The following CUL1 variants were observed in gnomAD, a reference collection of about 807,000 sequenced individuals.
The protein encoded by CUL1 is cullin 1.
CUL1 carries 24 observed loss-of-function variants against 118.0 expected under a neutral mutation model. The observed-to-expected ratio is 0.20, with a 90% CI of 0.15 to 0.29. The LOEUF (loss-of-function observed/expected upper bound fraction) is 0.29. CUL1 is among the 10% of genes least tolerant of loss of function. CUL1 has a pLI of 1.00. For synonymous variants in CUL1, 332 were observed against 340.4 expected, an observed-to-expected ratio of 0.98 and a Z score of 0.27; for missense variants, 361 against 933.8, an observed-to-expected ratio of 0.39 and a Z score of 7.99.
chr7:148,729,883 TGA>T, intron 1 of CUL1, 77 bp from the exon 2 acceptor site: 1 of 430,312 alleles, frequency 2.3e-6, no homozygotes, highest in African/African-American at 2.0e-5. Flanking sequence ...CCCTGCAGAC[TGA>T]GTTTTTCTGT....
intron 1 of CUL1, among the ~76,000 whole-genome samples, chr7:148,706,340 A>G (rs901103450): frequency 6.6e-6 from 1 of 152,282 alleles, no homozygotes; most frequent in African/African-American, 2.4e-5. Context: ...GCTTGCCCTC[A>G]GCTTTCTGCT....
At chr7:148,737,576 A>ATATATT (rs1554465958) in intron 2 of CUL1, among the ~76,000 whole-genome samples, 2 of 127,044 alleles carry the variant, frequency 1.6e-5, no homozygotes, top group Non-Finnish European at 3.0e-5. Context: ...ATATATTTTT[A>ATATATT]TATTTATTTA....
intron 1 of CUL1, among the ~76,000 whole-genome samples, chr7:148,702,062 C>T (rs1264069272): frequency 1.3e-5 from 2 of 152,048 alleles, no homozygotes; most frequent in African/African-American, 4.8e-5. Flanking sequence ...TGTTTTGCTT[C>T]CAAATGAAGA....
intron 9 of CUL1, among the ~76,000 whole-genome samples, chr7:148,769,528 T>C (rs1800139215): frequency 6.6e-6 from 1 of 151,912 alleles, no homozygotes; most frequent in African/African-American, 2.4e-5. Context: ...GCCTTCCCAG[T>C]TGTTGATTCA....
chr7:148,740,912 G>A (rs1333443505), intron 2 of CUL1, among the ~76,000 whole-genome samples: 5 of 152,154 alleles, frequency 3.3e-5, no homozygotes, highest in East Asian at 1.9e-4. Context: ...CCTTGAGCTC[G>A]GACCTCTAGT....
intron 9 of CUL1, among the ~76,000 whole-genome samples, chr7:148,772,571 CATTTCTTTAG>C (rs1800250250): frequency 6.6e-6 from 1 of 152,170 alleles, no homozygotes; most frequent in African/African-American, 2.4e-5. Context: ...ATCGTTGTTT[CATTTCTTTAG>C]CAAGCATTTA....
chr7:148,734,989 C>T (rs574950837), intron 2 of CUL1, among the ~76,000 whole-genome samples: 1 of 152,096 alleles, frequency 6.6e-6, no homozygotes, highest in African/African-American at 2.4e-5. Flanking sequence ...ATTGCTGTGG[C>T]CTGAATCAGT....
At chr7:148,773,649 C>G (rs1800297700) in intron 9 of CUL1, among the ~76,000 whole-genome samples, 1 of 152,296 alleles carries the variant, frequency 6.6e-6, no homozygotes, top group South Asian at 2.1e-4. Flanking sequence ...GACTCTTGAC[C>G]CCGCTGCGTG....
chr7:148,746,688 G>A (rs1386931489), intron 2 of CUL1, among the ~76,000 whole-genome samples: 3 of 152,146 alleles, frequency 2.0e-5, no homozygotes, highest in African/African-American at 7.2e-5. Flanking sequence ...ATCCACTTAC[G>A]AGAATGTTAG....
chr7:148,763,861 A>G (rs1418299886), intron 7 of CUL1, among the ~76,000 whole-genome samples: 1 of 152,228 alleles, frequency 6.6e-6, no homozygotes, highest in African/African-American at 2.4e-5. Context: ...CCCTTCAAGA[A>G]ATACTCTGCA....
chr7:148,754,419 C>T (rs898287598), intron 3 of CUL1, among the ~76,000 whole-genome samples: 1 of 152,084 alleles, frequency 6.6e-6, no homozygotes, highest in Non-Finnish European at 1.5e-5. Context: ...GTGATCCTTC[C>T]ACTTCGGCCT....
At chr7:148,766,845 T>C (rs535679581) in intron 8 of CUL1, 122 bp downstream of exon 8, 186 of 863,104 alleles carry the variant, frequency 2.2e-4, no homozygotes, top group African/African-American at 1.9e-3. Context: ...AAAAGATGCA[T>C]GTGTTTGTAC....
chr7:148,720,371 TAAG>T (rs1798361198), intron 1 of CUL1, among the ~76,000 whole-genome samples: 3 of 152,046 alleles, frequency 2.0e-5, no homozygotes, highest in African/African-American at 4.8e-5. Flanking sequence ...AGAAGTAGGA[TAAG>T]AAGGAGATAG....
rs559275557 is a variant in CUL1 at position 148,724,525 on chromosome 7, T to C, written c.-161-5437T>C. Among the ~76,000 whole-genome samples, 8 of 152,334 alleles carry C rather than the reference T, an allele frequency of 5.3e-5. No homozygotes were observed. In the East Asian group the frequency reaches 1.4e-3, roughly 26 times the overall value. The stretch of plus-strand genomic sequence containing the variant: ...GCTAGTGTGTGTGTGGAAGCACAGC[T>C]GGCTCTGCCATTGCTTCTTGTCCTT... On this transcript the variant is annotated intron_variant, in intron 1 of 21. Transcript: ENST00000325222.
At chr7:148,733,252 C>G (rs999640438) in intron 2 of CUL1, among the ~76,000 whole-genome samples, 3 of 152,202 alleles carry the variant, frequency 2.0e-5, no homozygotes, top group Non-Finnish European at 2.9e-5. Flanking sequence ...TTTTGATTAA[C>G]TCTTCAATGT....
intron 2 of CUL1, among the ~76,000 whole-genome samples, chr7:148,745,638 G>C (rs968779808): frequency 2.0e-5 from 3 of 152,208 alleles, no homozygotes; most frequent in Non-Finnish European, 4.4e-5. Context: ...ATGGACTGGA[G>C]GTAGGGGGTA....
chr7:148,700,700 C>T (rs550925619), intron 1 of CUL1, among the ~76,000 whole-genome samples: 1 of 152,152 alleles, frequency 6.6e-6, no homozygotes, highest in Non-Finnish European at 1.5e-5. Flanking sequence ...GAGAGTGTTC[C>T]TTAAGCTTGA....
intron 1 of CUL1, among the ~76,000 whole-genome samples, chr7:148,705,518 G>T (rs978227661): frequency 1.3e-5 from 2 of 152,178 alleles, no homozygotes; most frequent in Admixed American, 1.3e-4. Context: ...ACCTAATGCT[G>T]GGAGGGGGCA....
chr7:148,727,719 C>T (rs4410828), intron 1 of CUL1, among the ~76,000 whole-genome samples: 1 of 151,668 alleles, frequency 6.6e-6, no homozygotes, highest in Non-Finnish European at 1.5e-5. Context: ...TAGGCAGAAG[C>T]AGTAGCAGAT....
Sources: allele counts gnomAD v4.1 joint callset (sites outside exome capture counted in the v4.1 genomes callset), GRCh38; gene constraint gnomAD v4.1.1; transcripts MANE v1.5; gene names NCBI Gene and HGNC (gene_info 2026-07-23, HGNC 2026-07-21).